Variants in ALPK1 observed in about 807,000 individuals in gnomAD.
The protein encoded by ALPK1 is alpha kinase 1, also known as alpha-protein kinase 1.
A neutral mutation model predicts 120.6 loss-of-function variants in ALPK1; 110 were observed. That is an observed-to-expected ratio of 0.91 (90% CI 0.78 to 1.07). The LOEUF (loss-of-function observed/expected upper bound fraction) is 1.07, where lower values mean the gene tolerates loss of function less well. Among genes scored for constraint, ALPK1 ranks in the 50% least tolerant of loss-of-function variants. ALPK1 has a pLI of 0.00. For synonymous variants in ALPK1, 582 were observed against 560.3 expected (o/e 1.04, Z -0.55); for missense variants, 1,498 against 1,483.9 (o/e 1.01, Z -0.16).
intron 2 of ALPK1, chr4:112,358,428 C>G: frequency 1.5e-6 from 1 of 646,506 alleles, no homozygotes; most frequent in Non-Finnish European, 2.8e-6. Flanking sequence ...ACTAAGTCAA[C>G]TGGCCCCCTC....
intron 2 of ALPK1, among the ~76,000 whole-genome samples, chr4:112,325,170 T>C (rs1578465901): frequency 6.6e-6 from 1 of 152,334 alleles, no homozygotes; most frequent in East Asian, 1.9e-4. Context: ...CTGATGAAGT[T>C]CAAATAATCT....
chr4:112,380,650 G>A (rs983300040), intron 3 of ALPK1, among the ~76,000 whole-genome samples: 26 of 151,810 alleles, frequency 1.7e-4, no homozygotes, highest in Non-Finnish European at 3.4e-4. Context: ...CTCTTTTGCT[G>A]TATTTAACAT....
intron 2 of ALPK1, among the ~76,000 whole-genome samples, chr4:112,340,190 C>T (rs1368007173): frequency 1.3e-5 from 2 of 152,208 alleles, no homozygotes; most frequent in African/African-American, 4.8e-5. Flanking sequence ...TAGCCTGTAG[C>T]TCTTTAAAGA....
intron 1 of ALPK1, among the ~76,000 whole-genome samples, chr4:112,304,400 C>T (rs1442077412): frequency 6.6e-6 from 1 of 152,144 alleles, no homozygotes; most frequent in Non-Finnish European, 1.5e-5. Context: ...TCCACATCCT[C>T]TCCAGCACCT....
At chr4:112,344,504 T>C (rs1730021509) in intron 2 of ALPK1, among the ~76,000 whole-genome samples, 1 of 152,248 alleles carries the variant, frequency 6.6e-6, no homozygotes, top group African/African-American at 2.4e-5. Context: ...ATATGTGATA[T>C]ATACATAGAA....
Position 112,430,843 on chromosome 4 carries a change from T to A in ALPK1, c.1296T>A (p.Tyr432Ter). Residue 432 changes from tyrosine (Y) to a stop codon, truncating the protein, a stop_gained, in exon 11 of 16, where the codon TAT (tyrosine) becomes TAA (stop). Transcript: ENST00000650871. LOFTEE classifies it high-confidence loss of function. ...TCTCAAATGTAGATGACAGATCTTA[T>A]GTTCCCGAGAGTTTCGAGTGCAGGT... ...QSFSNVDDRSYVPESFECRLD... is the reference protein window; with the variant it reads ...QSFSNVDDRS The A allele has an allele frequency of 6.2e-7, 1 of 1,614,196 alleles. No homozygotes were observed. Among genetic ancestry groups the A allele is most frequent in the Middle Eastern group, 1.6e-4 (1 of 6,062 alleles).
At chr4:112,329,516 G>C (rs150938351) in intron 2 of ALPK1, among the ~76,000 whole-genome samples, 30 of 152,272 alleles carry the variant, frequency 2.0e-4, no homozygotes, top group African/African-American at 7.2e-4. Context: ...GGCCATTTTG[G>C]TTTTGGGGTA....
intron 4 of ALPK1, among the ~76,000 whole-genome samples, chr4:112,401,534 G>T (rs1023267220): frequency 6.6e-6 from 1 of 152,190 alleles, no homozygotes; most frequent in African/African-American, 2.4e-5. Context: ...TAGTTGGAGA[G>T]AAGAAGGTCA....
chr4:112,411,248 G>A (rs561050669), intron 4 of ALPK1, among the ~76,000 whole-genome samples: 47 of 152,258 alleles, frequency 3.1e-4, no homozygotes, highest in African/African-American at 1.1e-3. Context: ...TTGTTGAGAC[G>A]GAGTCTCGCT....
chr4:112,442,433 T>C lies in ALPK1; in HGVS notation c.*1223T>C, dbSNP rs889237681. 1.3e-5 allele frequency: 2 copies of C among 151,902 alleles called. No homozygotes were observed. Among genetic ancestry groups the C allele is most frequent in the Admixed American group, 6.6e-5 (1 of 15,244 alleles). 9.4% of individuals were successfully genotyped at this position (151,902 alleles called of 1,614,324 possible). On this transcript the variant is annotated 3_prime_UTR_variant, in exon 16 of 16. Transcript: ENST00000650871. ...TAAGTGATGAGAGTAGGTGGACACA[T>C]AGAGGGAACAACACACACCAGGGCT...
chr4:112,429,090 T>C (rs1490387742), intron 9 of ALPK1, 59 bp from the exon 10 acceptor site: 6 of 1,456,394 alleles, frequency 4.1e-6, no homozygotes, highest in Non-Finnish European at 5.8e-6. Flanking sequence ...TCATAGCCTG[T>C]TTTTTGCTCA....
chr4:112,306,772 T>TTAC (rs1160330180), intron 1 of ALPK1, among the ~76,000 whole-genome samples: 1 of 152,078 alleles, frequency 6.6e-6, no homozygotes, highest in Non-Finnish European at 1.5e-5. Flanking sequence ...CTGATCTTAG[T>TTAC]TATTTCTTGC....
At chr4:112,307,322 C>T (rs568924215) in intron 1 of ALPK1, among the ~76,000 whole-genome samples, 4 of 152,076 alleles carry the variant, frequency 2.6e-5, no homozygotes, top group South Asian at 2.1e-4. Context: ...CTTTCTGTCT[C>T]GTTGATCTGT....
At chr4:112,346,014 C>T (rs956178476) in intron 2 of ALPK1, among the ~76,000 whole-genome samples, 5 of 152,166 alleles carry the variant, frequency 3.3e-5, no homozygotes, top group Non-Finnish European at 7.3e-5. Flanking sequence ...CAGGCGTGCG[C>T]TGCCATGCCA....
chr4:112,398,341 C>A (rs1395917143), intron 4 of ALPK1, among the ~76,000 whole-genome samples: 1 of 151,938 alleles, frequency 6.6e-6, no homozygotes, highest in African/African-American at 2.4e-5. Context: ...CAGGCTGGAG[C>A]ACATGTGATG....
At chr4:112,373,055 G>A (rs1731487709) in intron 2 of ALPK1, among the ~76,000 whole-genome samples, 1 of 152,170 alleles carries the variant, frequency 6.6e-6, no homozygotes, top group African/African-American at 2.4e-5. Context: ...TTTTGGACTT[G>A]AAGAAAAATG....
intron 2 of ALPK1, among the ~76,000 whole-genome samples, chr4:112,324,885 C>T (rs1729038112): frequency 6.7e-6 from 1 of 148,998 alleles, no homozygotes; most frequent in Non-Finnish European, 1.5e-5. Context: ...TGTAGTTACC[C>T]TGGAACATCA....
intron 5 of ALPK1, among the ~76,000 whole-genome samples, chr4:112,413,181 T>G (rs1193886752): frequency 6.6e-6 from 1 of 152,206 alleles, no homozygotes. Context: ...TGGTGTCAGA[T>G]GGCAATGATG....
intron 2 of ALPK1, among the ~76,000 whole-genome samples, chr4:112,365,974 C>T (rs1387683706): frequency 1.3e-5 from 2 of 152,038 alleles, no homozygotes; most frequent in African/African-American, 4.8e-5. Context: ...CCCTATTCAA[C>T]AAATGGTGCT....
Sources: gnomAD v4.1 joint callset for allele counts (sites outside exome capture counted in the v4.1 genomes callset) on GRCh38, gnomAD v4.1.1 for gene constraint, MANE v1.5 for transcripts, NCBI Gene and HGNC (gene_info 2026-07-23, HGNC 2026-07-21) for gene names.